The following PPARGC1A variants were observed in gnomAD, a reference collection of about 807,000 sequenced individuals.
PPARGC1A encodes PPARG coactivator 1 alpha.
A neutral mutation model predicts 88.7 loss-of-function variants in PPARGC1A; 25 were observed. The observed-to-expected ratio is 0.28, with a 90% confidence interval of 0.21 to 0.39. PPARGC1A has a LOEUF of 0.39. Among genes scored for constraint, PPARGC1A ranks in the 10% least tolerant of loss-of-function variants. The pLI, the probability that PPARGC1A is intolerant of heterozygous loss-of-function variation, is 1.00. For synonymous variants in PPARGC1A, 363 were observed against 355.6 expected (o/e 1.02, Z -0.24); for missense variants, 880 against 968.7 (o/e 0.91, Z 1.22).
At chr4:23,887,868 G>A (rs1717170685) in intron 1 of PPARGC1A, among the ~76,000 whole-genome samples, 1 of 152,046 alleles carries the variant, frequency 6.6e-6, no homozygotes, top group South Asian at 2.1e-4. Context: ...GAGAGGGGCA[G>A]TAAAGAATGA....
the PPARGC1A span, among the ~76,000 whole-genome samples, chr4:24,042,751 G>A: frequency 5.9e-5 from 9 of 152,100 alleles, no homozygotes; most frequent in African/African-American, 2.2e-4. Flanking sequence ...ATGATATAGT[G>A]TATATAAATG....
chr4:24,471,097 G>A, the PPARGC1A span, among the ~76,000 whole-genome samples: 6 of 151,592 alleles, frequency 4.0e-5, 1 homozygote, highest in African/African-American at 1.2e-4. The surrounding 1 kb of genome is among the most constrained non-coding windows in gnomAD (Gnocchi z 5.4). Context: ...CTCCGGAGGA[G>A]AGGCGCCGCG....
chr4:23,800,332 C>T lies in PPARGC1A; in HGVS notation c.2293+1398G>A, dbSNP rs144542281. Among the ~76,000 whole-genome samples, 283 of 151,960 alleles carry T rather than the reference C, an allele frequency of 1.9e-3. 2 individuals carry two copies. Among genetic ancestry groups the T allele is most frequent in the African/African-American group, 6.6e-3 (274 of 41,452 alleles). ...AAAGAATTTAAAGGCTTACTATGCA[C>T]ACATTAGATGGGGAATGACATGCAA... On this transcript the variant is annotated intron_variant, in intron 12 of 12. Transcript: ENST00000264867.
chr4:24,040,751 A>G, the PPARGC1A span, among the ~76,000 whole-genome samples: 1 of 152,308 alleles, frequency 6.6e-6, no homozygotes, highest in Admixed American at 6.5e-5. Context: ...AATAGCAGGG[A>G]ATAAATTACT....
the PPARGC1A span, among the ~76,000 whole-genome samples, chr4:24,048,977 T>C: frequency 6.6e-6 from 1 of 152,096 alleles, no homozygotes; most frequent in African/African-American, 2.4e-5. Context: ...CACATGTCTT[T>C]ACATAGGGAA....
chr4:24,065,256 T>C, the PPARGC1A span, among the ~76,000 whole-genome samples: 3 of 152,112 alleles, frequency 2.0e-5, no homozygotes, highest in Non-Finnish European at 4.4e-5. Context: ...GGAGACCTGC[T>C]TGGCCAGCAT....
chr4:24,139,507 A>AT, the PPARGC1A span, among the ~76,000 whole-genome samples: 4 of 152,170 alleles, frequency 2.6e-5, no homozygotes, highest in African/African-American at 9.7e-5. Context: ...AGTAAAAAAC[A>AT]TTTTTTACAG....
the PPARGC1A span, among the ~76,000 whole-genome samples, chr4:24,445,170 G>A: frequency 6.6e-6 from 1 of 152,112 alleles, no homozygotes; most frequent in Non-Finnish European, 1.5e-5. Flanking sequence ...ATCCTCTATG[G>A]CTAATCCCTC....
At chr4:24,369,030 G>A in the PPARGC1A span, among the ~76,000 whole-genome samples, 1 of 152,122 alleles carries the variant, frequency 6.6e-6, no homozygotes. Flanking sequence ...ATCTGGCTCT[G>A]ACAGCCACCA....
chr4:23,816,689 A>C (rs1031445890), intron 7 of PPARGC1A, among the ~76,000 whole-genome samples: 2 of 152,194 alleles, frequency 1.3e-5, no homozygotes, highest in Non-Finnish European at 2.9e-5. Context: ...GGCATTCAAC[A>C]TCCTCATATC....
chr4:24,184,848 A>G, the PPARGC1A span, among the ~76,000 whole-genome samples: 1 of 152,194 alleles, frequency 6.6e-6, no homozygotes, highest in Non-Finnish European at 1.5e-5. Context: ...TGAGGAAGAA[A>G]GAGAGAGGGA....
the PPARGC1A span, among the ~76,000 whole-genome samples, chr4:24,085,041 A>G: frequency 1.3e-5 from 2 of 152,222 alleles, no homozygotes; most frequent in Admixed American, 6.5e-5. Context: ...ATCTTGATAC[A>G]TATTTCTTTA....
the PPARGC1A span, among the ~76,000 whole-genome samples, chr4:24,451,331 A>C: frequency 6.6e-6 from 1 of 152,220 alleles, no homozygotes; most frequent in African/African-American, 2.4e-5. Flanking sequence ...TCCTCTGACT[A>C]TCCCTTTTTA....
the PPARGC1A span, among the ~76,000 whole-genome samples, chr4:24,260,796 T>C: frequency 4.6e-5 from 7 of 151,444 alleles, no homozygotes; most frequent in South Asian, 1.3e-3. Flanking sequence ...AATGGTATTA[T>C]ATTGAATCCA....
chr4:24,179,815 G>A, the PPARGC1A span, among the ~76,000 whole-genome samples: 9 of 152,248 alleles, frequency 5.9e-5, no homozygotes, highest in South Asian at 1.7e-3. Context: ...CAACTGATAT[G>A]TTTTTTATTT....
chr4:24,289,090 T>C, the PPARGC1A span, among the ~76,000 whole-genome samples: 103,274 of 151,516 alleles, frequency 0.68, 35,682 homozygotes, highest in East Asian at 0.78. Flanking sequence ...CGTAGTGGTG[T>C]CTGCCTGTAA....
chr4:24,431,466 T>G, the PPARGC1A span, among the ~76,000 whole-genome samples: 3 of 152,154 alleles, frequency 2.0e-5, no homozygotes, highest in Admixed American at 1.3e-4. Context: ...TGGATACAGA[T>G]GAAATTAGCT....
At chr4:24,472,729 G>C in the PPARGC1A span, among the ~76,000 whole-genome samples, 2 of 151,376 alleles carry the variant, frequency 1.3e-5, no homozygotes, top group African/African-American at 4.9e-5. This position sits in a 1 kb window ranked among gnomAD's most constrained non-coding sequence, Gnocchi z 4.5. Context: ...GGTTCGTCCT[G>C]ACTTGGGCAG....
the PPARGC1A span, among the ~76,000 whole-genome samples, chr4:24,225,430 G>A: frequency 2.0e-5 from 3 of 152,082 alleles, no homozygotes; most frequent in Non-Finnish European, 1.5e-5. Context: ...TTAGCCGGGC[G>A]TGGTGGCAGG....
Sources: gnomAD v4.1 joint callset for allele counts (sites outside exome capture counted in the v4.1 genomes callset) on GRCh38, gnomAD v4.1.1 for gene constraint, Gnocchi (gnomAD v3.1) non-coding constraint, MANE v1.5 for transcripts, NCBI Gene and HGNC (gene_info 2026-07-23, HGNC 2026-07-21) for gene names.